SPAG16: variants seen among roughly 807,000 people sequenced by gnomAD.
The protein encoded by SPAG16 is sperm associated antigen 16.
SPAG16 carries 86 observed loss-of-function variants against 80.4 expected under a neutral mutation model. The observed-to-expected ratio is 1.07, with a 90% CI of 0.90 to 1.28. SPAG16 has a LOEUF of 1.28. SPAG16 is among the 50% of genes most tolerant of loss of function. SPAG16 has a pLI of 0.00. For synonymous variants in SPAG16, 294 were observed against 265.9 expected, an observed-to-expected ratio of 1.11 and a Z score of -1.03; for missense variants, 870 against 765.3, an observed-to-expected ratio of 1.14 and a Z score of -1.61.
intron 15 of SPAG16, among the ~76,000 whole-genome samples, chr2:214,368,211 C>T (rs1263077927): frequency 6.6e-6 from 1 of 152,084 alleles, no homozygotes; most frequent in African/African-American, 2.4e-5. Flanking sequence ...TGTTTCTTTC[C>T]TAAAATGTCA....
intron 13 of SPAG16, among the ~76,000 whole-genome samples, chr2:214,082,418 T>C (rs1476948774): frequency 1.3e-5 from 2 of 152,232 alleles, no homozygotes; most frequent in East Asian, 1.9e-4. Context: ...ACCTGATACG[T>C]TGACTCTTAA....
At chr2:214,359,057 AC>A (rs1699005280) in intron 15 of SPAG16, among the ~76,000 whole-genome samples, 2 of 151,912 alleles carry the variant, frequency 1.3e-5, no homozygotes, top group African/African-American at 4.8e-5. Context: ...TCTGCTGTGT[AC>A]TATGTATGAG....
chr2:214,402,091 A>T (rs1335518459), intron 15 of SPAG16, among the ~76,000 whole-genome samples: 2 of 152,000 alleles, frequency 1.3e-5, no homozygotes, highest in Non-Finnish European at 2.9e-5. Context: ...CCCCAAGGAA[A>T]CACAACTCTT....
intron 10 of SPAG16, among the ~76,000 whole-genome samples, chr2:213,677,794 C>T (rs1031077002): frequency 6.6e-6 from 1 of 152,152 alleles, no homozygotes; most frequent in Admixed American, 6.5e-5. Flanking sequence ...GAAGTCTCCA[C>T]CCCAAATCAA....
chr2:214,221,666 A>C (rs1303759296), intron 15 of SPAG16, among the ~76,000 whole-genome samples: 1 of 152,132 alleles, frequency 6.6e-6, no homozygotes, highest in East Asian at 1.9e-4. Context: ...AAAAAAGAAA[A>C]AAAGTGACAT....
chr2:213,947,027 T>C (rs2079510526), intron 12 of SPAG16, among the ~76,000 whole-genome samples: 1 of 152,292 alleles, frequency 6.6e-6, no homozygotes, highest in Non-Finnish European at 1.5e-5. Flanking sequence ...GGTGTATCAA[T>C]AGTTCCTTCC....
chr2:213,669,043 G>A (rs1270174346), intron 10 of SPAG16, among the ~76,000 whole-genome samples: 1 of 152,126 alleles, frequency 6.6e-6, no homozygotes, highest in Non-Finnish European at 1.5e-5. Flanking sequence ...TTGCTAACCA[G>A]ATAAAAATAC....
At chr2:213,794,131 G>A (rs1480292380) in intron 10 of SPAG16, among the ~76,000 whole-genome samples, 2 of 152,116 alleles carry the variant, frequency 1.3e-5, no homozygotes, top group Non-Finnish European at 2.9e-5. Flanking sequence ...TAAAGTTCAA[G>A]CTTTGTCCTT....
At chr2:213,577,881 T>G (rs2060179964) in intron 10 of SPAG16, among the ~76,000 whole-genome samples, 1 of 152,090 alleles carries the variant, frequency 6.6e-6, no homozygotes, top group Admixed American at 6.6e-5. Flanking sequence ...GCTCTGTTCC[T>G]GGGGTCACCA....
At chr2:213,676,498 A>G (rs991119500) in intron 10 of SPAG16, among the ~76,000 whole-genome samples, 1 of 151,698 alleles carries the variant, frequency 6.6e-6, no homozygotes, top group Non-Finnish European at 1.5e-5. Flanking sequence ...TTGCCCATTC[A>G]GTATGATATT....
chr2:214,184,815 T>A (rs1299724941), intron 15 of SPAG16, among the ~76,000 whole-genome samples: 1 of 152,150 alleles, frequency 6.6e-6, no homozygotes, highest in Admixed American at 6.6e-5. Flanking sequence ...AATTTTTGCT[T>A]TTTAGCCATT....
intron 13 of SPAG16, among the ~76,000 whole-genome samples, chr2:214,065,843 C>T (rs1168029639): frequency 6.6e-6 from 1 of 151,940 alleles, no homozygotes; most frequent in Non-Finnish European, 1.5e-5. Context: ...TCATTCTGGA[C>T]TAGTTAAGCA....
At chr2:213,888,570 A>G (rs1469754165) in intron 11 of SPAG16, among the ~76,000 whole-genome samples, 4 of 151,710 alleles carry the variant, frequency 2.6e-5, no homozygotes, top group Admixed American at 2.0e-4. Flanking sequence ...AGGACAATGT[A>G]AGTACACATG....
At chr2:214,074,183 T>C (rs1330126717) in intron 13 of SPAG16, among the ~76,000 whole-genome samples, 1 of 152,128 alleles carries the variant, frequency 6.6e-6, no homozygotes, top group African/African-American at 2.4e-5. Flanking sequence ...AACCCAACCA[T>C]GCTAGCACTC....
chr2:213,303,421 A>G (rs1326416925), intron 3 of SPAG16, among the ~76,000 whole-genome samples: 1 of 151,980 alleles, frequency 6.6e-6, no homozygotes, highest in Non-Finnish European at 1.5e-5. Context: ...AATTATACTC[A>G]TTAATTTAAA....
At chr2:214,046,666 A>G (rs756939989) in intron 13 of SPAG16, among the ~76,000 whole-genome samples, 3 of 152,218 alleles carry the variant, frequency 2.0e-5, no homozygotes, top group African/African-American at 4.8e-5. Flanking sequence ...GTTATTCAAC[A>G]TAGTGCTGGA....
chr2:214,056,293 A>G (rs1468935773), intron 13 of SPAG16, among the ~76,000 whole-genome samples: 1 of 151,324 alleles, frequency 6.6e-6, no homozygotes, highest in Non-Finnish European at 1.5e-5. Flanking sequence ...ACACACACAC[A>G]CACACACACA....
chr2:213,479,081 G>A (rs369946583), intron 9 of SPAG16, among the ~76,000 whole-genome samples: 13 of 144,884 alleles, frequency 9.0e-5, no homozygotes, highest in African/African-American at 3.3e-4. Context: ...TCTTCTCCAG[G>A]CACACTGGCT....
chr2:213,561,655 T>A (rs1047713148), intron 10 of SPAG16, among the ~76,000 whole-genome samples: 1 of 152,224 alleles, frequency 6.6e-6, no homozygotes, highest in Non-Finnish European at 1.5e-5. Context: ...ATTCTACTCT[T>A]AAATGTAATG....
Sources: gnomAD v4.1 joint callset for allele counts (sites outside exome capture counted in the v4.1 genomes callset) on GRCh38, gnomAD v4.1.1 for gene constraint, MANE v1.5 for transcripts, NCBI Gene and HGNC (gene_info 2026-07-23, HGNC 2026-07-21) for gene names.